Variants in CHD2 observed in about 807,000 individuals in gnomAD.
CHD2 encodes the protein chromodomain helicase DNA binding protein 2, also known as ATP-dependent chromatin remodeler CHD2.
Under a neutral mutation model 243.9 loss-of-function variants are expected in CHD2, and 28 were observed. The observed-to-expected ratio is 0.11, with a 90% CI of 0.09 to 0.16. CHD2 has a LOEUF of 0.16. Ranked by LOEUF, CHD2 falls within the 10% of genes least tolerant of loss-of-function variation. The probability of loss-of-function intolerance (pLI) is 1.00; values close to 1 mark genes in which losing one functional copy is unlikely to be tolerated. For missense variants in CHD2, 1,386 were observed against 2,209.8 expected, an observed-to-expected ratio of 0.63 and a Z score of 7.47; for synonymous variants, 775 against 779.0, an observed-to-expected ratio of 0.99 and a Z score of 0.09.
At chr15:92,937,377 T>C in intron 5 of CHD2, 141 bp from the exon 6 acceptor site, 1 of 593,964 alleles carries the variant, frequency 1.7e-6, no homozygotes, top group South Asian at 2.2e-5. Context: ...CAAGTTTAAA[T>C]GGAGCTAGAA....
intron 16 of CHD2, among the ~76,000 whole-genome samples, chr15:92,964,898 A>G (rs748144827): frequency 1.3e-5 from 2 of 152,110 alleles, no homozygotes; most frequent in Non-Finnish European, 2.9e-5. Context: ...GATTTTTTAA[A>G]TTTTTACTTC....
intron 17 of CHD2, among the ~76,000 whole-genome samples, chr15:92,968,838 C>T (rs1266830558): frequency 6.6e-6 from 1 of 152,164 alleles, no homozygotes; most frequent in Non-Finnish European, 1.5e-5. Flanking sequence ...CTCTAACAGT[C>T]CCATTTTTAG....
At chr15:92,980,687 C>A in intron 22 of CHD2, 128 bp from the exon 23 acceptor site, 1 of 648,782 alleles carries the variant, frequency 1.5e-6, no homozygotes, top group Non-Finnish European at 2.6e-6. Flanking sequence ...TTTGAGAAAT[C>A]ATTTTTCTTG....
intron 2 of CHD2, among the ~76,000 whole-genome samples, chr15:92,920,144 G>A (rs547890414): frequency 2.1e-5 from 3 of 145,592 alleles, no homozygotes; most frequent in Admixed American, 6.9e-5. Flanking sequence ...ACAGAAAAAC[G>A]GCTTTTTTTT....
At chr15:92,993,623 A>G (rs2054150097) in intron 28 of CHD2, among the ~76,000 whole-genome samples, 1 of 152,184 alleles carries the variant, frequency 6.6e-6, no homozygotes, top group South Asian at 2.1e-4. Context: ...GTTATTGGTA[A>G]GGACACCCTC....
intron 2 of CHD2, among the ~76,000 whole-genome samples, chr15:92,914,516 GA>G (rs2052798657): frequency 6.6e-6 from 1 of 152,188 alleles, no homozygotes; most frequent in South Asian, 2.1e-4. Context: ...TATGCATGAT[GA>G]GGCTAAGGTG....
Position 92,984,441 on chromosome 15 carries a change from C to T in CHD2, c.3178C>T (p.Arg1060Trp), listed in dbSNP as rs2054015629. 6.2e-7 allele frequency: 1 copy of T among 1,612,332 alleles called. No homozygotes were observed. The stretch of plus-strand genomic sequence containing the variant: ...AAGGAAAAAAGTAGAGGAGGAAGAG[C>T]GGCAGAAGGAGCTAGAAGAAATTTA... ...EQRKKVEEEE[R>W]QKELEEIYML... The change falls in exon 25 of 39, where the codon CGG becomes TGG. Residue 1060 changes from arginine (R) to tryptophan (W), a missense_variant. Physicochemically the swap from Arg to Trp is moderately radical, Grantham distance 101 (BLOSUM62 -3). Transcript: ENST00000394196.
chr15:92,927,127 A>G, intron 3 of CHD2, 117 bp from the exon 4 acceptor site: 2 of 738,784 alleles, frequency 2.7e-6, no homozygotes, highest in Non-Finnish European at 4.5e-6. Context: ...AAATAGAACT[A>G]GCAAAACAAC....
intron 28 of CHD2, among the ~76,000 whole-genome samples, chr15:92,995,246 CTT>C (rs990627645): frequency 1.6e-4 from 24 of 152,262 alleles, no homozygotes; most frequent in African/African-American, 5.5e-4. Flanking sequence ...TAGTTAGACT[CTT>C]TTGTTTTCAT....
At chr15:92,952,548 T>C (rs1268951910) in intron 13 of CHD2, among the ~76,000 whole-genome samples, 1 of 152,158 alleles carries the variant, frequency 6.6e-6, no homozygotes, top group Non-Finnish European at 1.5e-5. Context: ...CCCTCACATG[T>C]GTAGTTCATA....
At chr15:92,948,514 G>A (rs2053506221) in intron 12 of CHD2, among the ~76,000 whole-genome samples, 1 of 152,186 alleles carries the variant, frequency 6.6e-6, no homozygotes, top group South Asian at 2.1e-4. Flanking sequence ...GGGTGATGGA[G>A]TGAGGTGGTG....
chr15:93,011,969 G>A (rs6497015), intron 35 of CHD2, among the ~76,000 whole-genome samples: 110,275 of 151,982 alleles, frequency 0.73, 41,376 homozygotes, highest in East Asian at 0.97. Context: ...ATAGAAATTT[G>A]GAGGAGTTCT....
rs765267794 is a variant in CHD2, at chr15:93,024,476, A to G, written c.5258A>G (p.Tyr1753Cys). 1.2e-6 allele frequency: 2 copies of G among 1,614,086 alleles called. No individual in the cohort carries two copies. The highest frequency in any genetic ancestry group is 1.7e-6 in the Non-Finnish European group (2 of 1,180,030). Reference protein sequence around the residue: ...RMSDHRPAMGYHGQGPSDHYR... With the variant: ...RMSDHRPAMGCHGQGPSDHYR... ...TCTGATCACCGCCCCGCTATGGGCT[A>G]CCATGGCCAGGGACCCTCAGACCAT... Residue 1753 changes from tyrosine to cysteine, a missense_variant, in exon 39 of 39, where the codon TAC becomes TGC. Around this residue, in one of 19 missense-constraint regions of CHD2, gnomAD observed 347 missense variants for 341.6 expected, o/e 1.02. Coordinates refer to ENST00000394196, the MANE Select transcript of CHD2 (RefSeq NM_001271.4).
At chr15:92,944,312 A>T (rs1372920008) in intron 9 of CHD2, 103 bp from the exon 10 acceptor site, 1 of 562,724 alleles carries the variant, frequency 1.8e-6, no homozygotes, top group African/African-American at 1.9e-5. Flanking sequence ...GGCAGATGGG[A>T]GTAAAAAATA....
chr15:93,008,539 T>C (rs1237463110), intron 34 of CHD2, among the ~76,000 whole-genome samples: 1 of 152,206 alleles, frequency 6.6e-6, no homozygotes, highest in Non-Finnish European at 1.5e-5. Context: ...GCTTCGAATT[T>C]CATTTTCTCA....
At chr15:92,948,243 T>G (rs2053501838) in intron 12 of CHD2, among the ~76,000 whole-genome samples, 2 of 152,146 alleles carry the variant, frequency 1.3e-5, no homozygotes, top group Admixed American at 6.5e-5. Context: ...TTTCTGAATT[T>G]ACAAATCCTG....
At position 92,997,304 on chromosome 15, in the gene CHD2, G is replaced by A. The variant is rs1440327194; in HGVS notation, c.3786G>A (p.Gly1262=). The A allele has an allele frequency of 6.2e-7, 1 of 1,613,704 alleles. No homozygotes were observed. Among genetic ancestry groups the A allele is most frequent in the African/African-American group, 1.3e-5 (1 of 74,878 alleles). Residue 1262 remains glycine, a synonymous_variant, in exon 30 of 39, where the codon GGG becomes GGA. Coordinates refer to ENST00000394196, the MANE Select transcript of CHD2 (RefSeq NM_001271.4). The surrounding 1 kb of genome is among the most constrained non-coding windows in gnomAD (Gnocchi z 4.1). ...CTGCACATTTTGATGTAGAGTGGGGGGTGGAAGATGATTCTCGCCTGTTGC... is the reference window on the plus strand; with the variant it reads ...CTGCACATTTTGATGTAGAGTGGGGAGTGGAAGATGATTCTCGCCTGTTGC... ...VKAAHFDVEW[G]VEDDSRLLLG... is the part of the protein sequence containing the mutation.
chr15:93,011,830 G>A (rs1257019495), intron 35 of CHD2, among the ~76,000 whole-genome samples: 1 of 152,162 alleles, frequency 6.6e-6, no homozygotes, highest in Non-Finnish European at 1.5e-5. Flanking sequence ...GGAGGAAGGA[G>A]GGGCAGCAAC....
intron 28 of CHD2, among the ~76,000 whole-genome samples, chr15:92,993,865 T>C (rs539918035): frequency 2.0e-5 from 3 of 152,256 alleles, no homozygotes; most frequent in East Asian, 3.9e-4. Flanking sequence ...GGAGGTTCGA[T>C]TGAGACCAGG....
Sources: gnomAD v4.1 joint callset for allele counts (sites outside exome capture counted in the v4.1 genomes callset) on GRCh38, gnomAD v4.1.1 for gene constraint, gnomAD v4.1.1 regional missense constraint, Gnocchi (gnomAD v3.1) non-coding constraint, MANE v1.5 for transcripts, NCBI Gene and HGNC (gene_info 2026-07-23, HGNC 2026-07-21) for gene names.